NCKAP5: variants seen among roughly 807,000 people sequenced by gnomAD.
NCKAP5 encodes the protein NCK associated protein 5.
In NCKAP5, 92 loss-of-function variants were observed where a neutral mutation model predicts 167.0. The ratio of observed to expected loss-of-function variants is 0.55; its 90% CI spans 0.47 to 0.66. The LOEUF is 0.66. Among genes scored for constraint, NCKAP5 ranks in the 30% least tolerant of loss-of-function variants. NCKAP5 has a pLI of 0.00. For missense variants in NCKAP5, 2,378 were observed against 2,315.0 expected (o/e 1.03, Z -0.56); for synonymous variants, 891 against 877.4 (o/e 1.02, Z -0.27).
chr2:132,798,006 C>T (rs949423069), intron 11 of NCKAP5, among the ~76,000 whole-genome samples: 2 of 151,970 alleles, frequency 1.3e-5, no homozygotes, highest in African/African-American at 4.8e-5. Context: ...GTGGGTTGGC[C>T]AGTTCTCCTT....
At chr2:133,541,265 A>C (rs1295890891) in intron 2 of NCKAP5, among the ~76,000 whole-genome samples, 2 of 138,616 alleles carry the variant, frequency 1.4e-5, no homozygotes, top group Non-Finnish European at 3.3e-5. Flanking sequence ...AAAACTTTTA[A>C]TTGAAAAATA....
chr2:133,111,159 A>G (rs1052873271), intron 6 of NCKAP5, among the ~76,000 whole-genome samples: 3 of 152,140 alleles, frequency 2.0e-5, no homozygotes, highest in Admixed American at 2.0e-4. Flanking sequence ...CATCCATAAC[A>G]CACACCACGT....
At chr2:132,900,203 G>A (rs1488430243) in intron 8 of NCKAP5, among the ~76,000 whole-genome samples, 1 of 152,136 alleles carries the variant, frequency 6.6e-6, no homozygotes, top group Non-Finnish European at 1.5e-5. Context: ...TAATGAAAAT[G>A]TTTAAAATCT....
the NCKAP5 span, among the ~76,000 whole-genome samples, chr2:133,615,118 C>T: frequency 1.7e-4 from 26 of 151,602 alleles, no homozygotes; most frequent in Admixed American, 1.5e-3. Flanking sequence ...TTGTCACCAC[C>T]AGGCCTGCCC....
At chr2:133,139,412 C>G (rs914415528) in intron 5 of NCKAP5, among the ~76,000 whole-genome samples, 2 of 152,174 alleles carry the variant, frequency 1.3e-5, no homozygotes, top group African/African-American at 4.8e-5. Flanking sequence ...ATGAAAGTGA[C>G]TGGCATCCTT....
intron 11 of NCKAP5, among the ~76,000 whole-genome samples, chr2:132,808,667 C>G (rs1179430392): frequency 1.3e-5 from 2 of 152,052 alleles, no homozygotes; most frequent in Admixed American, 1.3e-4. Context: ...CTTGGTTAAT[C>G]TTGCTAATGG....
At chr2:133,453,851 C>A (rs1180275456) in intron 3 of NCKAP5, among the ~76,000 whole-genome samples, 1 of 151,776 alleles carries the variant, frequency 6.6e-6, no homozygotes, top group Non-Finnish European at 1.5e-5. Context: ...GATAGATTTG[C>A]AAAAAATTAA....
At chr2:132,704,678 A>G (rs1688188501) in intron 19 of NCKAP5, among the ~76,000 whole-genome samples, 1 of 152,168 alleles carries the variant, frequency 6.6e-6, no homozygotes, top group Non-Finnish European at 1.5e-5. Context: ...TCGTGTCCAC[A>G]TTTCCATTCC....
the NCKAP5 span, among the ~76,000 whole-genome samples, chr2:133,601,512 C>A: frequency 1.3e-5 from 2 of 152,234 alleles, no homozygotes; most frequent in Non-Finnish European, 2.9e-5. Context: ...GGCGGATCAC[C>A]TGAGGTCAGG....
At chr2:133,055,322 T>G (rs138757762) in intron 6 of NCKAP5, among the ~76,000 whole-genome samples, 138 of 151,920 alleles carry the variant, frequency 9.1e-4, no homozygotes, top group African/African-American at 3.1e-3. Context: ...GGAAGAGAAG[T>G]AGGAAGGAGC....
At chr2:132,725,175 T>C (rs77998189) in intron 19 of NCKAP5, among the ~76,000 whole-genome samples, 9,173 of 152,278 alleles carry the variant, frequency 0.06, 930 homozygotes, top group African/African-American at 0.21. Flanking sequence ...AAGACAAAGA[T>C]GGTGAGGGAG....
chr2:133,516,682 G>A (rs982317224), intron 3 of NCKAP5, among the ~76,000 whole-genome samples: 2 of 152,198 alleles, frequency 1.3e-5, no homozygotes, highest in Non-Finnish European at 2.9e-5. Context: ...TCCAGGACAG[G>A]TGCTGAGCAT....
At chr2:132,971,241 T>C (rs2076826385) in intron 7 of NCKAP5, among the ~76,000 whole-genome samples, 1 of 152,104 alleles carries the variant, frequency 6.6e-6, no homozygotes, top group South Asian at 2.1e-4. Flanking sequence ...AATAGAGCGA[T>C]ATAAATGAGA....
chr2:133,572,876 C>G (rs1688917163), upstream of NCKAP5, among the ~76,000 whole-genome samples: 1 of 152,176 alleles, frequency 6.6e-6, no homozygotes, highest in Admixed American at 6.5e-5. Context: ...ATATGGTCCT[C>G]AGACCATATT....
the NCKAP5 span, among the ~76,000 whole-genome samples, chr2:133,576,941 C>A: frequency 6.6e-6 from 1 of 152,216 alleles, no homozygotes; most frequent in Non-Finnish European, 1.5e-5. Context: ...ACACTCCATA[C>A]TTGGAAACCA....
intron 3 of NCKAP5, among the ~76,000 whole-genome samples, chr2:133,433,304 CAT>C (rs1395773432): frequency 3.3e-5 from 5 of 152,174 alleles, no homozygotes; most frequent in African/African-American, 1.2e-4. Flanking sequence ...GGAAACCTTT[CAT>C]AGATACTTGG....
intron 5 of NCKAP5, among the ~76,000 whole-genome samples, chr2:133,151,710 G>C (rs1016798476): frequency 3.9e-5 from 6 of 152,178 alleles, no homozygotes; most frequent in African/African-American, 1.2e-4. Flanking sequence ...AAACAATCTG[G>C]AAGTTTCTTA....
chr2:132,713,438 C>T (rs949573203), intron 19 of NCKAP5, among the ~76,000 whole-genome samples: 4 of 152,146 alleles, frequency 2.6e-5, no homozygotes, highest in Non-Finnish European at 4.4e-5. Context: ...CTGAAGATCA[C>T]CAAGTAAGTT....
At chr2:133,589,261 T>C in the NCKAP5 span, among the ~76,000 whole-genome samples, 5 of 152,164 alleles carry the variant, frequency 3.3e-5, no homozygotes, top group African/African-American at 7.2e-5. Flanking sequence ...ATAGTTTATA[T>C]GTAGATCTGA....
Sources: allele counts gnomAD v4.1 joint callset (sites outside exome capture counted in the v4.1 genomes callset), GRCh38; gene constraint gnomAD v4.1.1; transcripts MANE v1.5; gene names NCBI Gene and HGNC (gene_info 2026-07-23, HGNC 2026-07-21).